CSMD1: variants seen among roughly 807,000 people sequenced by gnomAD.
The protein encoded by CSMD1 is CUB and sushi domain-containing protein 1.
CSMD1 carries 213 observed loss-of-function variants against 417.5 expected under a neutral mutation model. That is an observed-to-expected ratio of 0.51 (90% confidence interval 0.46 to 0.57). CSMD1 has a LOEUF of 0.57. Ranked by LOEUF, CSMD1 falls within the 20% of genes least tolerant of loss-of-function variation. The pLI, the probability that CSMD1 is intolerant of heterozygous loss-of-function variation, is 0.00. For missense variants in CSMD1, 6,923 were observed against 4,529.7 expected (o/e 1.53, Z -15.17); for synonymous variants, 2,862 against 1,736.8 (o/e 1.65, Z -16.11).
chr8:4,165,865 C>T (rs1364655862), intron 3 of CSMD1, among the ~76,000 whole-genome samples: 6 of 152,194 alleles, frequency 3.9e-5, no homozygotes, highest in African/African-American at 1.2e-4. Flanking sequence ...AAAGTAAAAG[C>T]AAATTACTTT....
At chr8:3,622,313 A>G (rs908540753) in intron 7 of CSMD1, among the ~76,000 whole-genome samples, 1 of 152,228 alleles carries the variant, frequency 6.6e-6, no homozygotes, top group African/African-American at 2.4e-5. Flanking sequence ...CTTCATCAAG[A>G]TGAACGACTA....
intron 5 of CSMD1, among the ~76,000 whole-genome samples, chr8:3,770,362 C>T (rs1053030144): frequency 2.0e-5 from 3 of 152,080 alleles, no homozygotes; most frequent in African/African-American, 7.2e-5. Flanking sequence ...AACCCCGTCT[C>T]TACTAAAAAT....
chr8:4,567,418 A>T lies in CSMD1; in HGVS notation c.302+69924T>A, dbSNP rs566609929. On this transcript the variant is annotated intron_variant, in intron 2 of 69. Transcript: ENST00000635120. Reference sequence around the variant, plus strand: ...ATGGTGCAGCTGTGGAGAAAACAACAACAAATGGCATTTTTTTCCTACCTC... The same window carrying T: ...ATGGTGCAGCTGTGGAGAAAACAACTACAAATGGCATTTTTTTCCTACCTC... 4.6e-5 allele frequency among the ~76,000 whole-genome samples: 7 copies of T among 152,316 alleles called. No homozygotes were observed. In the East Asian group the frequency reaches 1.4e-3, roughly 29 times the overall value.
At chr8:4,676,331 C>G (rs138058056) in intron 1 of CSMD1, among the ~76,000 whole-genome samples, 3 of 152,116 alleles carry the variant, frequency 2.0e-5, no homozygotes, top group Non-Finnish European at 2.9e-5. Flanking sequence ...AACAGAAGCT[C>G]CTGTATCCAT....
intron 1 of CSMD1, among the ~76,000 whole-genome samples, chr8:4,888,681 G>A (rs984390468): frequency 6.6e-6 from 1 of 152,066 alleles, no homozygotes; most frequent in African/African-American, 2.4e-5. Context: ...GAAACCAGGG[G>A]TCCTTGAGGT....
intron 39 of CSMD1, among the ~76,000 whole-genome samples, chr8:3,156,841 C>A (rs1819565977): frequency 6.6e-6 from 1 of 151,770 alleles, no homozygotes; most frequent in South Asian, 2.1e-4. Context: ...TAGGAGGGGA[C>A]TGTGCCATCT....
In CSMD1 at chr8:3,461,979, G is replaced by C. The variant is rs942962692; in HGVS notation, c.1561+6733C>G. 5.9e-5 allele frequency among the ~76,000 whole-genome samples: 9 copies of C among 152,286 alleles called. No individual in the cohort carries two copies. The East Asian group carries it at 1.4e-3, about 23-fold the overall frequency. On this transcript the variant is annotated intron_variant, in intron 12 of 69. Coordinates refer to ENST00000635120, the MANE Select transcript of CSMD1 (RefSeq NM_033225.6). ...GGACAGGAGGGTGGCGGTGAGGTGA[G>C]TGTGTGTTACACGTGTTCCTAGGAA...
chr8:3,935,747 G>A (rs964633826), intron 5 of CSMD1, among the ~76,000 whole-genome samples: 24 of 152,084 alleles, frequency 1.6e-4, no homozygotes, highest in African/African-American at 3.1e-4. Flanking sequence ...TCGCTATTCC[G>A]TGAGACACAG....
At chr8:4,249,947 C>A (rs567191628) in intron 3 of CSMD1, among the ~76,000 whole-genome samples, 66 of 152,234 alleles carry the variant, frequency 4.3e-4, no homozygotes, top group Non-Finnish European at 8.2e-4. Context: ...GGGCTTTGCA[C>A]TTATGAATGA....
chr8:3,794,577 T>C (rs770970434), intron 5 of CSMD1, among the ~76,000 whole-genome samples: 3 of 151,354 alleles, frequency 2.0e-5, no homozygotes, highest in African/African-American at 4.8e-5. Context: ...TAGTAACCCA[T>C]TGGTTTATTT....
chr8:3,821,182 T>C (rs1045704382), intron 5 of CSMD1, among the ~76,000 whole-genome samples: 3 of 152,106 alleles, frequency 2.0e-5, no homozygotes, highest in African/African-American at 7.2e-5. Flanking sequence ...CCTCCCAAAC[T>C]GTGGGGATTA....
intron 3 of CSMD1, among the ~76,000 whole-genome samples, chr8:4,375,381 A>G (rs1290595668): frequency 1.3e-5 from 2 of 152,118 alleles, no homozygotes; most frequent in Non-Finnish European, 2.9e-5. Context: ...TTTTGAGAGG[A>G]AAACAGGGCA....
intron 12 of CSMD1, among the ~76,000 whole-genome samples, chr8:3,453,885 T>A (rs571300953): frequency 6.6e-6 from 1 of 152,174 alleles, no homozygotes; most frequent in Non-Finnish European, 1.5e-5. Context: ...TTCTGTCTTG[T>A]TGAAATGTCT....
chr8:4,427,920 T>G (rs537184915), intron 2 of CSMD1, among the ~76,000 whole-genome samples: 1 of 152,292 alleles, frequency 6.6e-6, no homozygotes, highest in East Asian at 1.9e-4. Flanking sequence ...TGCCCTTTAT[T>G]TAAGGCACTT....
intron 29 of CSMD1, among the ~76,000 whole-genome samples, chr8:3,215,564 C>G (rs762501204): frequency 6.6e-6 from 1 of 152,226 alleles, no homozygotes; most frequent in Non-Finnish European, 1.5e-5. Flanking sequence ...TGGGGCCCCT[C>G]AATTAGGCAT....
intron 1 of CSMD1, among the ~76,000 whole-genome samples, chr8:4,800,438 C>CAAAAAAAAA (rs11463488): frequency 8.7e-6 from 1 of 115,056 alleles, no homozygotes; most frequent in African/African-American, 3.4e-5. Context: ...GACTTCATCT[C>CAAAAAAAAA]AAAAAAAAAA....
chr8:3,254,925 C>G (rs1800539746), intron 26 of CSMD1, among the ~76,000 whole-genome samples: 1 of 152,074 alleles, frequency 6.6e-6, no homozygotes, highest in Non-Finnish European at 1.5e-5. Context: ...GAGCTGATTT[C>G]CTTTGGAGGA....
At chr8:3,991,050 C>A (rs769377309) in intron 5 of CSMD1, among the ~76,000 whole-genome samples, 3 of 152,198 alleles carry the variant, frequency 2.0e-5, no homozygotes, top group Non-Finnish European at 2.9e-5. Context: ...ACTTGTGGGG[C>A]TGCAGCATCT....
intron 2 of CSMD1, among the ~76,000 whole-genome samples, chr8:4,636,101 G>A (rs1295204618): frequency 3.9e-5 from 6 of 151,928 alleles, no homozygotes; most frequent in African/African-American, 1.2e-4. Context: ...TGTGTTTTCT[G>A]TAGAGATTTT....
Sources: gnomAD v4.1 joint callset for allele counts (sites outside exome capture counted in the v4.1 genomes callset) on GRCh38, gnomAD v4.1.1 for gene constraint, MANE v1.5 for transcripts, NCBI Gene and HGNC (gene_info 2026-07-23, HGNC 2026-07-21) for gene names.